The following HHIPL2 variants were observed in gnomAD, a reference collection of about 807,000 sequenced individuals.
HHIPL2 encodes the protein HHIP-like protein 2.
A neutral mutation model predicts 61.0 loss-of-function variants in HHIPL2; 61 were observed. The ratio of observed to expected loss-of-function variants is 1.00; its 90% CI spans 0.81 to 1.24. The LOEUF (loss-of-function observed/expected upper bound fraction) is 1.24, where lower values mean the gene tolerates loss of function less well. Ranked by LOEUF, HHIPL2 falls within the 50% of genes most tolerant of loss-of-function variation. The pLI, the probability that HHIPL2 is intolerant of heterozygous loss-of-function variation, is 0.00. For missense variants in HHIPL2, 885 were observed against 910.2 expected (o/e 0.97, Z 0.36); for synonymous variants, 343 against 357.4 (o/e 0.96, Z 0.45).
At position 222,547,893 on chromosome 1, in the gene HHIPL2, G is replaced by T. The variant is rs1348502023; in HGVS notation, c.152C>A (p.Pro51His). 1.2e-6 allele frequency: 2 copies of T among 1,614,146 alleles called. No homozygotes were observed. Among genetic ancestry groups the T allele is most frequent in the East Asian group, 4.5e-5 (2 of 44,874 alleles). ...GHPQCLDYGPPFQPPLHLEFC... is the reference protein window; with the variant it reads ...GHPQCLDYGPHFQPPLHLEFC... ...CTCAAGGTGCAGAGGGGGCTGGAAA[G>T]GGGGCCCGTAATCCAGGCACTGGGG... The change falls in exon 1 of 9, where the codon CCT becomes CAT. Residue 51 changes from proline to histidine, a missense_variant. By Grantham distance (77) the Pro-to-His change is moderately conservative. Transcript: ENST00000343410.
In HHIPL2 at chr1:222,547,799, G is replaced by A. The variant is rs1364997343; in HGVS notation, c.246C>T (p.Tyr82=). The change falls in exon 1 of 9, where the codon TAC becomes TAT. Residue 82 remains tyrosine, a synonymous_variant. Coordinates refer to ENST00000343410, the MANE Select transcript of HHIPL2 (RefSeq NM_024746.4). ...GATCAAAATATTCCATGATGTCCCA[G>A]TACCGGGCAGCGATGCGGCGGTCCT... is the stretch of plus-strand genomic sequence containing the variant. ...QHKDRRIAAR[Y]WDIMEYFDLK... is the part of the protein sequence containing the mutation. 1.2e-6 allele frequency: 2 copies of A among 1,614,052 alleles called. No homozygotes were observed. The highest frequency in any genetic ancestry group is 8.5e-7 in the Non-Finnish European group (1 of 1,180,038).
intron 7 of HHIPL2, 48 bp downstream of exon 7, chr1:222,526,921 A>G (rs1355880792): frequency 4.1e-6 from 6 of 1,475,728 alleles, no homozygotes; most frequent in Non-Finnish European, 5.6e-6. Flanking sequence ...CCATGGAGAT[A>G]AGAAATGAGA....
intron 6 of HHIPL2, among the ~76,000 whole-genome samples, chr1:222,530,127 A>C (rs1659157648): frequency 1.3e-5 from 2 of 152,094 alleles, no homozygotes; most frequent in African/African-American, 4.8e-5. Flanking sequence ...AATTCAGCCA[A>C]GGACTGTGTT....
intron 4 of HHIPL2, among the ~76,000 whole-genome samples, chr1:222,539,394 G>T (rs1316961103): frequency 1.3e-5 from 2 of 151,830 alleles, no homozygotes; most frequent in East Asian, 3.9e-4. Flanking sequence ...GGTAGGAGTG[G>T]TGGTGCATGC....
At chr1:222,547,243 T>C (rs1659573523) in intron 1 of HHIPL2, among the ~76,000 whole-genome samples, 1 of 152,158 alleles carries the variant, frequency 6.6e-6, no homozygotes, top group Non-Finnish European at 1.5e-5. Context: ...CTCCAACCCC[T>C]GCCACCGCCA....
At chr1:222,532,772 A>G (rs1323870829) in intron 5 of HHIPL2, among the ~76,000 whole-genome samples, 1 of 152,206 alleles carries the variant, frequency 6.6e-6, no homozygotes, top group African/African-American at 2.4e-5. Context: ...ATACTTTACC[A>G]TAGGTGAGAA....
chr1:222,531,565 C>A (rs4846762), intron 6 of HHIPL2, among the ~76,000 whole-genome samples: 10,364 of 151,890 alleles, frequency 0.068, 916 homozygotes, highest in East Asian at 0.27. Context: ...ACGGCCAACA[C>A]GGCAAAACCC....
intron 5 of HHIPL2, among the ~76,000 whole-genome samples, chr1:222,538,102 CA>C (rs1202321506): frequency 1.3e-5 from 2 of 151,768 alleles, no homozygotes; most frequent in Non-Finnish European, 2.9e-5. Flanking sequence ...AAGCCAAGCA[CA>C]AAAAGAAGAG....
Position 222,526,750 on chromosome 1 carries a change from T to G in HHIPL2, c.1805+219A>C, listed in dbSNP as rs114398235. On this transcript the variant is annotated intron_variant, in intron 7 of 8. Coordinates refer to ENST00000343410, the MANE Select transcript of HHIPL2 (RefSeq NM_024746.4). ...AAAAGCCACAGACCTAGACTAACCC[T>G]AGAAAGGCTCAAGGTCTTCATGTCC... Among the ~76,000 whole-genome samples, 704 of 142,396 alleles carry G rather than the reference T, an allele frequency of 4.9e-3. 3 individuals carry two copies. Among genetic ancestry groups the G allele is most frequent in the Non-Finnish European group, 8.2e-3 (540 of 65,660 alleles). The allele number at this position is 142,396 out of a possible 152,430, so 93.4% of individuals were successfully genotyped here.
intron 6 of HHIPL2, among the ~76,000 whole-genome samples, chr1:222,528,632 G>A (rs1190320944): frequency 6.6e-6 from 1 of 151,986 alleles, no homozygotes; most frequent in Non-Finnish European, 1.5e-5. Context: ...GAAAGTGTTC[G>A]ATAATCGTAG....
intron 6 of HHIPL2, among the ~76,000 whole-genome samples, chr1:222,527,826 T>A (rs1482423519): frequency 6.6e-6 from 1 of 152,224 alleles, no homozygotes; most frequent in African/African-American, 2.4e-5. Flanking sequence ...AATCCCTTTT[T>A]CTTGGCTCTC....
At chr1:222,539,527 TAAA>T (rs10537670) in intron 4 of HHIPL2, among the ~76,000 whole-genome samples, 2 of 85,186 alleles carry the variant, frequency 2.3e-5, no homozygotes, top group East Asian at 3.1e-4. Flanking sequence ...AGACTCTGTC[TAAA>T]AAAAAAAAAA....
At chr1:222,531,147 A>G (rs1571767384) in intron 6 of HHIPL2, among the ~76,000 whole-genome samples, 1 of 152,112 alleles carries the variant, frequency 6.6e-6, no homozygotes. Context: ...TCCTACCTAG[A>G]TGTCTACCTT....
chr1:222,529,107 C>A (rs1659134211), intron 6 of HHIPL2, among the ~76,000 whole-genome samples: 1 of 152,196 alleles, frequency 6.6e-6, no homozygotes. Flanking sequence ...CAGGCATGAG[C>A]CACCACACAA....
At chr1:222,536,561 A>C (rs1483209977) in intron 5 of HHIPL2, among the ~76,000 whole-genome samples, 1 of 152,224 alleles carries the variant, frequency 6.6e-6, no homozygotes, top group Non-Finnish European at 1.5e-5. Flanking sequence ...AAGAACACAT[A>C]AGGAAAAATA....
chr1:222,543,869 G>A lies in HHIPL2; in HGVS notation c.642C>T (p.Asn214=), dbSNP rs747441729. 5.0e-6 allele frequency: 8 copies of A among 1,614,154 alleles called. No homozygotes were observed. In the South Asian group the frequency reaches 7.7e-5, roughly 16 times the overall value. ...CLQLCLSEVA[N]GLRNPVSMVH... ...CCATGGAGACGGGGTTCCTCAGCCC[G>A]TTGGCCACCTCGCTCAGGCAGAGCT... is the stretch of plus-strand genomic sequence containing the variant. Residue 214 remains asparagine, a synonymous_variant, in exon 2 of 9, where the codon AAC becomes AAT. Transcript: ENST00000343410.
intron 5 of HHIPL2, 134 bp from the exon 6 acceptor site, chr1:222,532,245 C>T (rs1488250552): frequency 4.3e-6 from 3 of 692,686 alleles, no homozygotes; most frequent in East Asian, 5.5e-5. Flanking sequence ...AGCCTGCCTC[C>T]AAGCAACCAA....
intron 5 of HHIPL2, among the ~76,000 whole-genome samples, chr1:222,535,838 A>G (rs1659289642): frequency 6.6e-6 from 1 of 152,212 alleles, no homozygotes; most frequent in African/African-American, 2.4e-5. Context: ...AGAAATCAAT[A>G]GCAGAAAGAT....
intron 5 of HHIPL2, among the ~76,000 whole-genome samples, chr1:222,533,669 T>A (rs1234385726): frequency 1.3e-5 from 2 of 152,216 alleles, no homozygotes; most frequent in Non-Finnish European, 2.9e-5. Context: ...GCTTGAAATA[T>A]ACTGAAGATC....
Sources: allele counts gnomAD v4.1 joint callset (sites outside exome capture counted in the v4.1 genomes callset), GRCh38; gene constraint gnomAD v4.1.1; transcripts MANE v1.5; gene names NCBI Gene and HGNC (gene_info 2026-07-23, HGNC 2026-07-21).